ADGRB3: variants seen among roughly 807,000 people sequenced by gnomAD.
ADGRB3 encodes brain-specific angiogenesis inhibitor 3.
Under a neutral mutation model 193.4 loss-of-function variants are expected in ADGRB3, and 37 were observed. The observed-to-expected ratio is 0.19, with a 90% CI of 0.15 to 0.25. The LOEUF (loss-of-function observed/expected upper bound fraction) is 0.25, where lower values mean the gene tolerates loss of function less well. Ranked by LOEUF, ADGRB3 falls within the 10% of genes least tolerant of loss-of-function variation. ADGRB3 has a pLI of 1.00. For synonymous variants in ADGRB3, 690 were observed against 644.2 expected, an observed-to-expected ratio of 1.07 and a Z score of -1.08; for missense variants, 1,637 against 1,852.9, an observed-to-expected ratio of 0.88 and a Z score of 2.14.
At chr6:69,280,798 C>T (rs915485435) in intron 20 of ADGRB3, among the ~76,000 whole-genome samples, 6 of 152,030 alleles carry the variant, frequency 3.9e-5, no homozygotes, top group African/African-American at 1.4e-4. Context: ...CAGTAAACAC[C>T]TCAGGCAGGC....
intron 3 of ADGRB3, among the ~76,000 whole-genome samples, chr6:68,853,398 T>G (rs887418932): frequency 2.0e-5 from 3 of 152,052 alleles, no homozygotes; most frequent in African/African-American, 7.2e-5. Context: ...GTTTCATTCA[T>G]TTTGTGGCAA....
In ADGRB3 at chr6:69,296,257, A is replaced by C. The variant is rs1767814512; in HGVS notation, c.2815-28615A>C. Among the ~76,000 whole-genome samples, 7 of 152,172 alleles carry C rather than the reference A, an allele frequency of 4.6e-5. No individual in the cohort carries two copies. In the South Asian group the frequency reaches 1.5e-3, roughly 32 times the overall value. On this transcript the variant is annotated intron_variant, in intron 20 of 31. Transcript: ENST00000370598. ...TGACAGAATTGCAGTATGAATTTCA[A>C]GGAGTTAAATAGACCCATGAAGGTT...
intron 17 of ADGRB3, among the ~76,000 whole-genome samples, chr6:69,218,709 C>T (rs376765455): frequency 6.6e-5 from 10 of 152,074 alleles, no homozygotes; most frequent in Middle Eastern, 3.4e-3. Context: ...GCAAAATGAG[C>T]CTAATTAGGT....
intron 3 of ADGRB3, among the ~76,000 whole-genome samples, chr6:68,862,973 A>T (rs144682338): frequency 6.6e-6 from 1 of 152,182 alleles, no homozygotes; most frequent in Non-Finnish European, 1.5e-5. Flanking sequence ...AAGCATTTGC[A>T]TTACTAACAT....
At chr6:68,668,820 C>A (rs1409748545) in intron 3 of ADGRB3, among the ~76,000 whole-genome samples, 3 of 151,916 alleles carry the variant, frequency 2.0e-5, no homozygotes, top group African/African-American at 7.2e-5. Flanking sequence ...TTAACACATA[C>A]CCATCTTTCA....
chr6:69,357,381 T>C (rs1333497916), intron 28 of ADGRB3, among the ~76,000 whole-genome samples: 2 of 152,080 alleles, frequency 1.3e-5, no homozygotes, highest in African/African-American at 4.8e-5. Context: ...TTTGCAGTTA[T>C]GTCTATTTGC....
At chr6:69,254,707 TC>T (rs1453860014) in intron 20 of ADGRB3, among the ~76,000 whole-genome samples, 3 of 151,854 alleles carry the variant, frequency 2.0e-5, no homozygotes, top group African/African-American at 7.2e-5. Flanking sequence ...CTTTTTTTTT[TC>T]TTTTTTTTAT....
chr6:69,289,963 T>C (rs1255520359), intron 20 of ADGRB3, among the ~76,000 whole-genome samples: 5 of 152,038 alleles, frequency 3.3e-5, no homozygotes, highest in Non-Finnish European at 2.9e-5. Context: ...AAAGGAGGAT[T>C]GGATACCCAC....
chr6:69,006,855 C>T (rs1769772519), intron 11 of ADGRB3, among the ~76,000 whole-genome samples: 1 of 151,750 alleles, frequency 6.6e-6, no homozygotes, highest in Non-Finnish European at 1.5e-5. Context: ...TTATTTATTT[C>T]TCTTCTTATG....
chr6:68,825,366 A>G (rs12528028), intron 3 of ADGRB3, among the ~76,000 whole-genome samples: 19,043 of 152,132 alleles, frequency 0.13, 1,295 homozygotes, highest in African/African-American at 0.13. Context: ...ACTCACAGGT[A>G]CCCAAGAACA....
At chr6:68,843,522 T>C (rs144936654) in intron 3 of ADGRB3, among the ~76,000 whole-genome samples, 52 of 152,136 alleles carry the variant, frequency 3.4e-4, no homozygotes, top group African/African-American at 8.9e-4. Context: ...AAATTGAAGA[T>C]GACCCTAACA....
intron 17 of ADGRB3, among the ~76,000 whole-genome samples, chr6:69,206,943 C>A (rs1765552571): frequency 6.6e-6 from 1 of 152,150 alleles, no homozygotes; most frequent in Non-Finnish European, 1.5e-5. Context: ...TTTCTATTGA[C>A]CTTAATCACA....
At chr6:68,676,404 A>AG (rs1769089396) in intron 3 of ADGRB3, among the ~76,000 whole-genome samples, 3 of 151,578 alleles carry the variant, frequency 2.0e-5, no homozygotes, top group African/African-American at 7.3e-5. Context: ...AAAAAAAAAA[A>AG]AAAAAAAGAA....
At chr6:68,892,285 A>G (rs1267988716) in intron 3 of ADGRB3, among the ~76,000 whole-genome samples, 1 of 152,176 alleles carries the variant, frequency 6.6e-6, no homozygotes, top group Non-Finnish European at 1.5e-5. Context: ...AAGCATAGCA[A>G]TAACAAAGCA....
At chr6:69,214,935 C>T (rs1050160890) in intron 17 of ADGRB3, among the ~76,000 whole-genome samples, 6 of 151,964 alleles carry the variant, frequency 3.9e-5, no homozygotes, top group East Asian at 1.9e-4. Context: ...ACAAGACCTA[C>T]GCATAGCATA....
At chr6:68,648,558 C>G (rs1768271454) in intron 3 of ADGRB3, among the ~76,000 whole-genome samples, 1 of 148,276 alleles carries the variant, frequency 6.7e-6, no homozygotes, top group Admixed American at 6.8e-5. Context: ...TAGGATGTAG[C>G]AAATGTACTC....
rs367741206 is a variant in ADGRB3 at position 69,339,523 on chromosome 6, A to G, written c.3459+19A>G. On this transcript the variant is annotated intron_variant, in intron 26 of 31. Transcript: ENST00000370598. ...GAGAGAGGTGAGAAGCATTCTTGTG[A>G]TAGAGAACAGTGATGGTTGGAATGG... 6.2e-7 allele frequency: 1 copy of G among 1,607,434 alleles called. No homozygotes were observed. Among genetic ancestry groups the G allele is most frequent in the African/African-American group, 1.3e-5 (1 of 74,784 alleles).
chr6:68,863,613 G>A (rs1049009401), intron 3 of ADGRB3, among the ~76,000 whole-genome samples: 4 of 152,016 alleles, frequency 2.6e-5, no homozygotes, highest in African/African-American at 9.7e-5. Flanking sequence ...TCCAAGTACA[G>A]TACATAAAAG....
chr6:69,020,484 G>T (rs961849007), intron 13 of ADGRB3, among the ~76,000 whole-genome samples: 2 of 151,596 alleles, frequency 1.3e-5, no homozygotes, highest in Non-Finnish European at 2.9e-5. Flanking sequence ...GTATTTTTTT[G>T]CAATAAGATT....
Sources: gnomAD v4.1 joint callset for allele counts (sites outside exome capture counted in the v4.1 genomes callset) on GRCh38, gnomAD v4.1.1 for gene constraint, MANE v1.5 for transcripts, NCBI Gene and HGNC (gene_info 2026-07-23, HGNC 2026-07-21) for gene names.